The following CSMD2 variants were observed in gnomAD, a reference collection of about 807,000 sequenced individuals.
CSMD2 encodes CUB and sushi domain-containing protein 2.
CSMD2 carries 130 observed loss-of-function variants against 398.5 expected under a neutral mutation model. That is an observed-to-expected ratio of 0.33 (90% CI 0.28 to 0.38). The LOEUF (loss-of-function observed/expected upper bound fraction) is 0.38. Ranked by LOEUF, CSMD2 falls within the 10% of genes least tolerant of loss-of-function variation. CSMD2 has a pLI of 1.00. For missense variants in CSMD2, 3,829 were observed against 4,764.9 expected (o/e 0.80, Z 5.78); for synonymous variants, 1,828 against 1,908.5 (o/e 0.96, Z 1.10).
chr1:33,926,638 T>C (rs1644136152), intron 4 of CSMD2, among the ~76,000 whole-genome samples: 1 of 152,182 alleles, frequency 6.6e-6, no homozygotes, highest in Non-Finnish European at 1.5e-5. Context: ...TCCAGAGTCA[T>C]AAAATATAAC....
At chr1:33,678,629 C>A (rs1644800266) in intron 25 of CSMD2, among the ~76,000 whole-genome samples, 1 of 152,046 alleles carries the variant, frequency 6.6e-6, no homozygotes, top group African/African-American at 2.4e-5. Flanking sequence ...TCGGAAAGGG[C>A]AATAAGAAAA....
chr1:33,680,341 T>A (rs897408599), intron 25 of CSMD2, among the ~76,000 whole-genome samples: 9 of 152,128 alleles, frequency 5.9e-5, no homozygotes, highest in African/African-American at 9.7e-5. Flanking sequence ...ATGTTTCCCA[T>A]GTGGGCACCA....
At chr1:34,126,386 T>C (rs1662741702) in intron 1 of CSMD2, among the ~76,000 whole-genome samples, 1 of 152,138 alleles carries the variant, frequency 6.6e-6, no homozygotes, top group African/African-American at 2.4e-5. Context: ...CTCCCTGTAA[T>C]GGGGCTAGGC....
chr1:34,052,057 G>A (rs1653234312), intron 2 of CSMD2, among the ~76,000 whole-genome samples: 1 of 151,912 alleles, frequency 6.6e-6, no homozygotes, highest in African/African-American at 2.4e-5. Flanking sequence ...CTTCTGATGG[G>A]AACTCAGACT....
At chr1:33,870,794 A>C (rs1356276788) in intron 5 of CSMD2, 1 of 152,066 alleles carries the variant, frequency 6.6e-6, no homozygotes, top group Non-Finnish European at 1.5e-5. Flanking sequence ...TGGTGGCCAA[A>C]GTGATAGGAT....
chr1:34,077,693 T>C (rs10914859), intron 2 of CSMD2, among the ~76,000 whole-genome samples: 92,117 of 142,990 alleles, frequency 0.64, 29,870 homozygotes, highest in African/African-American at 0.77. Flanking sequence ...GCTGAGATTG[T>C]GCCACTGCAC....
chr1:33,722,020 A>C (rs1262929040), intron 19 of CSMD2, among the ~76,000 whole-genome samples: 1 of 152,138 alleles, frequency 6.6e-6, no homozygotes, highest in African/African-American at 2.4e-5. Flanking sequence ...AGGTCTTTAA[A>C]TATTCTTTCA....
intron 4 of CSMD2, among the ~76,000 whole-genome samples, chr1:33,923,860 A>G (rs1000092131): frequency 1.3e-5 from 2 of 152,188 alleles, no homozygotes; most frequent in African/African-American, 4.8e-5. Context: ...GAGGTGGAAC[A>G]GTTTCATCCT....
At chr1:34,098,675 A>G (rs1346233177) in intron 1 of CSMD2, among the ~76,000 whole-genome samples, 1 of 152,036 alleles carries the variant, frequency 6.6e-6, no homozygotes, top group Non-Finnish European at 1.5e-5. Flanking sequence ...AAAAATTGAG[A>G]AAAGAAAAAG....
At chr1:33,555,345 A>G (rs978118635) in intron 55 of CSMD2, among the ~76,000 whole-genome samples, 1 of 152,206 alleles carries the variant, frequency 6.6e-6, no homozygotes, top group Non-Finnish European at 1.5e-5. Context: ...ATGAGCAAAG[A>G]AAGTGGTTTC....
At position 33,519,999 on chromosome 1, in the gene CSMD2, G is replaced by GCTC. The variant is rs1430599067; in HGVS notation, c.10598-52_10598-50dup. The GCTC allele has an allele frequency of 1.2e-6, 2 of 1,605,104 alleles. No homozygotes were observed. The highest frequency in any genetic ancestry group is 1.1e-5 in the South Asian group (1 of 90,354). ...GTCAAGTCACGAGACACAGTCTGAG[G>GCTC]CTCCGTTGGCTACCCTCCCCGACTA... On this transcript the variant is annotated intron_variant, in intron 68 of 70. Transcript: ENST00000373381. The surrounding 1 kb of genome is among the most constrained non-coding windows in gnomAD (Gnocchi z 5.6).
At chr1:33,940,921 C>A (rs1570575317) in intron 3 of CSMD2, among the ~76,000 whole-genome samples, 1 of 152,146 alleles carries the variant, frequency 6.6e-6, no homozygotes, top group East Asian at 1.9e-4. Context: ...GTGCAACCTG[C>A]TGGACAGACA....
chr1:33,977,534 C>T (rs74068666), intron 3 of CSMD2, among the ~76,000 whole-genome samples: 4,007 of 152,096 alleles, frequency 0.026, 173 homozygotes, highest in African/African-American at 0.091. Flanking sequence ...TGCTCTGTTG[C>T]CTGCAGCCTA....
chr1:33,585,976 G>A (rs201976975), intron 46 of CSMD2, among the ~76,000 whole-genome samples: 2 of 113,576 alleles, frequency 1.8e-5, no homozygotes, highest in Non-Finnish European at 4.0e-5. Flanking sequence ...CAGGTACCTT[G>A]CCTTAGGTCA....
chr1:34,108,281 GA>G (rs1660715757), intron 1 of CSMD2, among the ~76,000 whole-genome samples: 1 of 151,386 alleles, frequency 6.6e-6, no homozygotes, highest in South Asian at 2.1e-4. Context: ...ATGAGAGAGA[GA>G]GAAAAAAAAA....
chr1:33,706,428 C>G (rs972323162), intron 22 of CSMD2, among the ~76,000 whole-genome samples: 1 of 152,138 alleles, frequency 6.6e-6, no homozygotes, highest in African/African-American at 2.4e-5. Context: ...TCAATCTCTC[C>G]TCATCTCAGA....
intron 3 of CSMD2, among the ~76,000 whole-genome samples, chr1:34,016,540 C>G (rs755201787): frequency 2.6e-5 from 4 of 152,052 alleles, no homozygotes; most frequent in African/African-American, 7.2e-5. Context: ...GACAGTGTGG[C>G]GATTCCTCAA....
At chr1:33,811,045 G>A (rs1213025504) in intron 9 of CSMD2, among the ~76,000 whole-genome samples, 181 bp from the exon 10 acceptor site, 1 of 152,128 alleles carries the variant, frequency 6.6e-6, no homozygotes, top group Non-Finnish European at 1.5e-5. Flanking sequence ...CGCAGTGCCT[G>A]GAGCACTGTG....
Position 33,586,566 on chromosome 1 carries a change from T to C in CSMD2, c.6989A>G (p.Glu2330Gly). 1 of 1,613,856 alleles carries C rather than the reference T, an allele frequency of 6.2e-7. No homozygotes were observed. Among genetic ancestry groups the C allele is most frequent in the Non-Finnish European group, 8.5e-7 (1 of 1,179,820 alleles). ...GGTTCCAAGTTTGCAGGTCAGAATTTCATTCCCCACTAAGGTAAAGCCAGG... is the reference window on the plus strand; with the variant it reads ...GGTTCCAAGTTTGCAGGTCAGAATTCCATTCCCCACTAAGGTAAAGCCAGG... ...CLPGFTLVGN[E>G]ILTCKLGTYL... The change falls in exon 46 of 71, where the codon GAA (glutamate) becomes GGA (glycine). Residue 2330 changes from glutamate (E) to glycine (G), a missense_variant. This residue lies in a region of CSMD2 where 723 missense variants were observed against 758.6 expected (regional missense o/e 0.95). Transcript: ENST00000373381.
Sources: allele counts gnomAD v4.1 joint callset (sites outside exome capture counted in the v4.1 genomes callset), GRCh38; gene constraint gnomAD v4.1.1; regional missense constraint gnomAD v4.1.1; non-coding constraint Gnocchi (gnomAD v3.1); transcripts MANE v1.5; gene names NCBI Gene and HGNC (gene_info 2026-07-23, HGNC 2026-07-21).